The following CDS1 variants were observed in gnomAD, a reference collection of about 807,000 sequenced individuals.
The protein encoded by CDS1 is CDP-diacylglycerol synthase 1, also known as phosphatidate cytidylyltransferase 1.
CDS1 carries 41 observed loss-of-function variants against 62.1 expected under a neutral mutation model. That is an observed-to-expected ratio of 0.66 (90% CI 0.51 to 0.86). The LOEUF is 0.86. CDS1 is among the 40% of genes least tolerant of loss of function. The pLI, the probability that CDS1 is intolerant of heterozygous loss-of-function variation, is 0.00. For synonymous variants in CDS1, 185 were observed against 192.6 expected, an observed-to-expected ratio of 0.96 and a Z score of 0.32; for missense variants, 470 against 550.1, an observed-to-expected ratio of 0.85 and a Z score of 1.46.
Position 84,639,692 on chromosome 4 carries a change from A to G in CDS1, c.879+700A>G, listed in dbSNP as rs553510932. On this transcript the variant is annotated intron_variant, in intron 9 of 12. Transcript: ENST00000295887. ...TCTGACAGTTGTGGTTACATTCTGT[A>G]TCCAAATCTAGAGTACCTAGTAACA... 2.0e-5 allele frequency among the ~76,000 whole-genome samples: 3 copies of G among 152,266 alleles called. No homozygotes were observed. The South Asian group carries it at 6.2e-4, about 32-fold the overall frequency.
chr4:84,631,984 A>G (rs1411273892), intron 6 of CDS1, 107 bp downstream of exon 6: 3 of 708,138 alleles, frequency 4.2e-6, no homozygotes, highest in African/African-American at 1.8e-5. Context: ...GTTGTTTTGC[A>G]TGAATGTGAG....
chr4:84,596,465 A>G (rs919500736), intron 1 of CDS1, among the ~76,000 whole-genome samples: 6 of 151,864 alleles, frequency 4.0e-5, no homozygotes, highest in African/African-American at 1.5e-4. Context: ...GTGGCCTCTT[A>G]CTCCTTGCTC....
chr4:84,617,648 A>C lies in CDS1; in HGVS notation c.427A>C (p.Arg143=). The change falls in exon 4 of 13, where the codon AGA becomes CGA. Residue 143 remains arginine, a synonymous_variant. Transcript: ENST00000295887. ...TCATTCTTATGATCTACCATGGTTT[A>C]GAACACTAAGTTGGTAAGTAAGCTT... ...VYHSYDLPWF[R]TLSWYFLLCV... 6.7e-7 allele frequency: 1 copy of C among 1,497,262 alleles called. No individual in the cohort carries two copies. Among genetic ancestry groups the C allele is most frequent in the Non-Finnish European group, 9.2e-7 (1 of 1,084,978 alleles). 92.7% of individuals were successfully genotyped at this position (1,497,262 alleles called of 1,614,324 possible). A position where few individuals can be genotyped will look rare whatever the true frequency, so the allele number is the denominator to read the frequency against.
At chr4:84,612,510 C>A (rs1723355617) in intron 3 of CDS1, among the ~76,000 whole-genome samples, 1 of 152,062 alleles carries the variant, frequency 6.6e-6, no homozygotes, top group African/African-American at 2.4e-5. Flanking sequence ...CTCTTTAAGA[C>A]AAAATTCAAG....
intron 3 of CDS1, among the ~76,000 whole-genome samples, chr4:84,615,049 C>T (rs1723445208): frequency 6.6e-6 from 1 of 152,118 alleles, no homozygotes; most frequent in African/African-American, 2.4e-5. Flanking sequence ...GGAGCAGGTG[C>T]TGTGTGCCCT....
At chr4:84,590,859 G>C (rs1443396241) in intron 1 of CDS1, among the ~76,000 whole-genome samples, 2 of 152,274 alleles carry the variant, frequency 1.3e-5, no homozygotes, top group Middle Eastern at 3.4e-3. Flanking sequence ...TAAGGTATGA[G>C]GTACAATGTC....
chr4:84,629,883 T>G (rs1723967810), intron 5 of CDS1, among the ~76,000 whole-genome samples: 1 of 152,218 alleles, frequency 6.6e-6, no homozygotes, highest in Non-Finnish European at 1.5e-5. Context: ...TGTTATCATT[T>G]CAAGAAAGAG....
At chr4:84,613,050 GTTAT>G (rs964940877) in intron 3 of CDS1, among the ~76,000 whole-genome samples, 1 of 150,408 alleles carries the variant, frequency 6.6e-6, no homozygotes, top group Non-Finnish European at 1.5e-5. Context: ...ACTGTTATTG[GTTAT>G]TTAAGTTTAT....
At chr4:84,594,757 A>G (rs1722698174) in intron 1 of CDS1, among the ~76,000 whole-genome samples, 1 of 152,268 alleles carries the variant, frequency 6.6e-6, no homozygotes, top group Admixed American at 6.5e-5. Flanking sequence ...CCATATATAC[A>G]CAGTTGGCTC....
At chr4:84,599,630 G>GTATATATATATATATA (rs543750981) in intron 1 of CDS1, among the ~76,000 whole-genome samples, 3 of 150,028 alleles carry the variant, frequency 2.0e-5, no homozygotes, top group African/African-American at 7.3e-5. Context: ...ACGTGTGTGT[G>GTATATATATATATATA]TATATATATA....
chr4:84,619,288 A>C lies in CDS1; in HGVS notation c.441-106A>C, dbSNP rs1723599236. ...AATATATCTTGAATTGGTCTTCTGA[A>C]CTTTGTTTTGATCTTTGTGTCATCA... On this transcript the variant is annotated intron_variant, in intron 4 of 12. Coordinates refer to ENST00000295887, the MANE Select transcript of CDS1 (RefSeq NM_001263.4). 2.4e-5 allele frequency: 13 copies of C among 537,554 alleles called. No individual in the cohort carries two copies. In the South Asian group the frequency reaches 6.6e-4, roughly 27 times the overall value. 33.3% of individuals were successfully genotyped at this position (537,554 alleles called of 1,614,324 possible).
rs70943367 is a variant in CDS1 at position 84,599,451 on chromosome 4, T to TGC, written c.118-4791_118-4790dup. Among the ~76,000 whole-genome samples, 29 of 133,664 alleles carry TGC rather than the reference T, an allele frequency of 2.2e-4. No homozygotes were observed. The East Asian group carries it at 3.7e-3, about 17-fold the overall frequency. 87.7% of individuals were successfully genotyped at this position (133,664 alleles called of 152,430 possible). On this transcript the variant is annotated intron_variant, in intron 1 of 12. Coordinates refer to ENST00000295887, the MANE Select transcript of CDS1 (RefSeq NM_001263.4). ...ATATATATATATATATATATATATA[T>TGC]GCCTATGAAGCCATCATTATAATCA...
At chr4:84,640,395 A>G (rs903494540) in intron 9 of CDS1, among the ~76,000 whole-genome samples, 3 of 151,932 alleles carry the variant, frequency 2.0e-5, no homozygotes, top group Non-Finnish European at 2.9e-5. Context: ...AAAAATTGCA[A>G]TGGTGTGGCC....
intron 1 of CDS1, among the ~76,000 whole-genome samples, chr4:84,592,120 A>G (rs1578015541): frequency 6.6e-6 from 1 of 150,802 alleles, no homozygotes; most frequent in African/African-American, 2.4e-5. Flanking sequence ...AAACAACTCT[A>G]GAAATGGAGA....
chr4:84,591,103 A>G (rs1342177547), intron 1 of CDS1, among the ~76,000 whole-genome samples: 3 of 152,212 alleles, frequency 2.0e-5, no homozygotes, highest in African/African-American at 7.2e-5. Context: ...AAAGTGGGAC[A>G]ATTTAATGTC....
At chr4:84,589,670 C>T (rs1451860357) in intron 1 of CDS1, among the ~76,000 whole-genome samples, 1 of 152,146 alleles carries the variant, frequency 6.6e-6, no homozygotes, top group Non-Finnish European at 1.5e-5. Flanking sequence ...ATCGGCAACC[C>T]AGCCAGGTGG....
chr4:84,638,525 G>C (rs2148658729), intron 8 of CDS1, among the ~76,000 whole-genome samples: 1 of 152,246 alleles, frequency 6.6e-6, no homozygotes, highest in South Asian at 2.1e-4. Context: ...CTGACTGTGT[G>C]TACTTGGAAT....
chr4:84,635,306 T>C lies in CDS1; in HGVS notation c.765T>C (p.Thr255=). Reference sequence around the variant, plus strand: ...CAAGTGTTATCTGCAATGACATAACTGCTTACCTTTTTGGATTTTTTTTTG... The same window carrying C: ...CAAGTGTTATCTGCAATGACATAACCGCTTACCTTTTTGGATTTTTTTTTG... The part of the protein sequence containing the change: ...PISSVICNDI[T]AYLFGFFFGR... The change falls in exon 8 of 13, where the codon ACT becomes ACC. Residue 255 remains threonine (T), a synonymous_variant. Transcript: ENST00000295887. The C allele has an allele frequency of 6.3e-7, 1 of 1,585,746 alleles. No homozygotes were observed. Among genetic ancestry groups the C allele is most frequent in the Non-Finnish European group, 8.6e-7 (1 of 1,160,868 alleles).
intron 3 of CDS1, among the ~76,000 whole-genome samples, chr4:84,613,241 C>G (rs538244387): frequency 1.3e-5 from 2 of 152,148 alleles, no homozygotes; most frequent in African/African-American, 4.8e-5. Flanking sequence ...TTGAGAAGGA[C>G]ATGTTGTATC....
Sources: allele counts gnomAD v4.1 joint callset (sites outside exome capture counted in the v4.1 genomes callset), GRCh38; gene constraint gnomAD v4.1.1; transcripts MANE v1.5; gene names NCBI Gene and HGNC (gene_info 2026-07-23, HGNC 2026-07-21).